DRAM1: variants seen among roughly 807,000 people sequenced by gnomAD.
DRAM1 encodes DNA damage regulated autophagy modulator 1, also known as DNA damage-regulated autophagy modulator protein 1.
In DRAM1, 25 loss-of-function variants were observed where a neutral mutation model predicts 28.5. The observed-to-expected ratio is 0.88, with a 90% CI of 0.64 to 1.23. DRAM1 has a LOEUF of 1.23. Ranked by LOEUF, DRAM1 falls within the 50% of genes most tolerant of loss-of-function variation. The probability of loss-of-function intolerance (pLI) is 0.00; values close to 1 mark genes in which losing one functional copy is unlikely to be tolerated. For missense variants in DRAM1, 249 were observed against 299.2 expected (o/e 0.83, Z 1.24); for synonymous variants, 113 against 114.2 (o/e 0.99, Z 0.07).
At chr12:101,902,965 G>A (rs1873659974) in intron 3 of DRAM1, among the ~76,000 whole-genome samples, 1 of 151,600 alleles carries the variant, frequency 6.6e-6, no homozygotes, top group African/African-American at 2.4e-5. Context: ...CTGTCGCCCA[G>A]GCTAGAGTGT....
rs143338382 is a variant in DRAM1, at chr12:101,885,173, C to T, written c.131+7253C>T. On this transcript the variant is annotated intron_variant, in intron 1 of 6. Transcript: ENST00000258534. Reference sequence around the variant, plus strand: ...GTCTTGAACTCCCGCCTTGGCCTCCCAAAGTGCTGGGATAACAGGCGTGAG... The same window carrying T: ...GTCTTGAACTCCCGCCTTGGCCTCCTAAAGTGCTGGGATAACAGGCGTGAG... Among the ~76,000 whole-genome samples the T allele has an allele frequency of 9.5e-4, 145 of 152,294 alleles. 3 individuals are homozygous for T. In the East Asian group the frequency reaches 0.022, roughly 23 times the overall value.
chr12:101,897,556 T>G (rs1297628591), intron 1 of DRAM1, among the ~76,000 whole-genome samples: 1 of 151,920 alleles, frequency 6.6e-6, no homozygotes, highest in Non-Finnish European at 1.5e-5. Flanking sequence ...TTCAAAGTAG[T>G]CATTCTTCAC....
intron 1 of DRAM1, among the ~76,000 whole-genome samples, chr12:101,882,810 C>G (rs12317433): frequency 0.02 from 3,041 of 148,920 alleles, 57 homozygotes; most frequent in African/African-American, 0.029. Flanking sequence ...TACACACACA[C>G]CCCCCCATCA....
At chr12:101,903,930 C>T (rs1211507674) in intron 3 of DRAM1, among the ~76,000 whole-genome samples, 1 of 115,462 alleles carries the variant, frequency 8.7e-6, no homozygotes, top group African/African-American at 5.8e-5. Context: ...CACACATACA[C>T]ACACACACAC....
chr12:101,914,075 A>T, intron 4 of DRAM1, 99 bp from the exon 5 acceptor site: 1 of 647,000 alleles, frequency 1.5e-6, no homozygotes, highest in Non-Finnish European at 2.4e-6. Context: ...TTAACATTTT[A>T]ACACCTTATA....
At chr12:101,907,144 G>A (rs1358873330) in intron 3 of DRAM1, among the ~76,000 whole-genome samples, 27 of 141,932 alleles carry the variant, frequency 1.9e-4, no homozygotes, top group Non-Finnish European at 9.0e-5. Context: ...AGGCTGCAGT[G>A]AGCTATGATC....
In DRAM1 at chr12:101,913,280, C is replaced by T. The variant is rs1023877241; in HGVS notation, c.521-894C>T. ...AGATCTTTGGTCCAGGAAGGAAGGGCTCACCTTATACCCAATTACCCAACA... is the reference window on the plus strand; with the variant it reads ...AGATCTTTGGTCCAGGAAGGAAGGGTTCACCTTATACCCAATTACCCAACA... On this transcript the variant is annotated intron_variant, in intron 4 of 6. Transcript: ENST00000258534. 1.2e-4 allele frequency among the ~76,000 whole-genome samples: 18 copies of T among 152,204 alleles called. 1 individual carries two copies. Among genetic ancestry groups the T allele is most frequent in the Admixed American group, 2.6e-4 (4 of 15,278 alleles).
At chr12:101,914,121 C>T in intron 4 of DRAM1, 53 bp from the exon 5 acceptor site, 3 of 1,244,002 alleles carry the variant, frequency 2.4e-6, no homozygotes, top group Non-Finnish European at 2.2e-6. Context: ...GTAGTCTTAA[C>T]ATTAAAGGAA....
chr12:101,894,819 A>C (rs1873285896), intron 1 of DRAM1, among the ~76,000 whole-genome samples: 2 of 152,122 alleles, frequency 1.3e-5, no homozygotes, highest in Admixed American at 1.3e-4. Flanking sequence ...AGACAGGCAA[A>C]CAACCTTCTT....
intron 1 of DRAM1, among the ~76,000 whole-genome samples, chr12:101,883,773 T>A (rs925333817): frequency 1.3e-5 from 2 of 151,162 alleles, no homozygotes; most frequent in African/African-American, 4.8e-5. Context: ...CTATCTCTAC[T>A]AAAAATACAA....
intron 3 of DRAM1, 104 bp downstream of exon 3, chr12:101,901,537 A>G (rs1486765317): frequency 7.4e-7 from 1 of 1,352,798 alleles, no homozygotes; most frequent in African/African-American, 1.5e-5. Context: ...TAGCCATTAA[A>G]TGCTTGATGA....
chr12:101,888,967 G>C (rs1263727144), intron 1 of DRAM1, among the ~76,000 whole-genome samples: 1 of 151,612 alleles, frequency 6.6e-6, no homozygotes, highest in African/African-American at 2.4e-5. Context: ...ACCATGCTTG[G>C]CTAATTTTGT....
rs17032060 is a variant in DRAM1, at chr12:101,921,463, G to A, written c.*203G>A. The A allele has an allele frequency of 0.03, 12,477 of 416,820 alleles. 973 individuals are homozygous for A. Among genetic ancestry groups the A allele is most frequent in the East Asian group, 0.23 (6,383 of 27,274 alleles). 25.8% of individuals were successfully genotyped at this position (416,820 alleles called of 1,614,324 possible). ...GAATGTACAGCCTTATGACACTGTA[G>A]TGATGTTTTTATAATTTTCTAAGTA... On this transcript the variant is annotated 3_prime_UTR_variant, in exon 7 of 7. Transcript: ENST00000258534.
intron 4 of DRAM1, among the ~76,000 whole-genome samples, chr12:101,913,480 C>T (rs571729159): frequency 9.9e-4 from 150 of 151,946 alleles, no homozygotes; most frequent in Non-Finnish European, 1.9e-3. Flanking sequence ...CCGAGGTGGG[C>T]AGATCACCTG....
chr12:101,882,018 T>C (rs899296489), intron 1 of DRAM1, among the ~76,000 whole-genome samples: 2 of 152,108 alleles, frequency 1.3e-5, no homozygotes, highest in African/African-American at 4.8e-5. Flanking sequence ...GACATGGCCA[T>C]TCTGTTTGGT....
At position 101,922,281 on chromosome 12, in the gene DRAM1, A is replaced by G. The variant is rs1312129417; in HGVS notation, c.*1021A>G. 1 of 152,290 alleles carries G rather than the reference A, an allele frequency of 6.6e-6. No individual in the cohort carries two copies. Among genetic ancestry groups the G allele is most frequent in the East Asian group, 1.9e-4 (1 of 5,204 alleles). 9.4% of individuals were successfully genotyped at this position (152,290 alleles called of 1,614,324 possible). On this transcript the variant is annotated 3_prime_UTR_variant, in exon 7 of 7. Transcript: ENST00000258534. ...AAGCCCTTTGTGTTAAGCAAGAACTACAGACTCCATCTTTTCACCCAAATC... is the reference window on the plus strand; with the variant it reads ...AAGCCCTTTGTGTTAAGCAAGAACTGCAGACTCCATCTTTTCACCCAAATC...
At chr12:101,904,772 T>C (rs1873742264) in intron 3 of DRAM1, among the ~76,000 whole-genome samples, 1 of 152,088 alleles carries the variant, frequency 6.6e-6, no homozygotes, top group Non-Finnish European at 1.5e-5. Context: ...TCTCTCTCTC[T>C]CTCCCTCTCT....
intron 1 of DRAM1, among the ~76,000 whole-genome samples, chr12:101,883,434 C>T (rs1300677518): frequency 6.6e-6 from 1 of 151,106 alleles, no homozygotes; most frequent in Non-Finnish European, 1.5e-5. Flanking sequence ...CCTGCCTCAG[C>T]CTCCTGATAG....
chr12:101,915,953 T>C (rs1296847684), intron 5 of DRAM1, among the ~76,000 whole-genome samples: 3 of 152,162 alleles, frequency 2.0e-5, no homozygotes, highest in Non-Finnish European at 4.4e-5. Flanking sequence ...GAGCTTGGCA[T>C]TAGGAGGGCA....
Sources: allele counts gnomAD v4.1 joint callset (sites outside exome capture counted in the v4.1 genomes callset), GRCh38; gene constraint gnomAD v4.1.1; transcripts MANE v1.5; gene names NCBI Gene and HGNC (gene_info 2026-07-23, HGNC 2026-07-21).